The following DNAH8 variants were observed in gnomAD, a reference collection of about 807,000 sequenced individuals.
DNAH8 encodes dynein axonemal heavy chain 8.
Under a neutral mutation model 562.1 loss-of-function variants are expected in DNAH8, and 382 were observed. The ratio of observed to expected loss-of-function variants is 0.68; its 90% CI spans 0.63 to 0.74. The LOEUF is 0.74. DNAH8 is among the 30% of genes least tolerant of loss of function. The pLI is 0.00. For missense variants in DNAH8, 5,203 were observed against 5,620.4 expected (o/e 0.93, Z 2.37); for synonymous variants, 1,881 against 1,919.4 (o/e 0.98, Z 0.52).
At chr6:38,939,772 T>C (rs1390684251) in intron 79 of DNAH8, among the ~76,000 whole-genome samples, 1 of 152,194 alleles carries the variant, frequency 6.6e-6, no homozygotes, top group Non-Finnish European at 1.5e-5. Flanking sequence ...CTTTTTCTTG[T>C]GTTTTTGGCT....
intron 57 of DNAH8, 21 bp downstream of exon 57, chr6:38,887,025 T>C: frequency 6.6e-7 from 1 of 1,508,452 alleles, no homozygotes; most frequent in Middle Eastern, 1.7e-4. Flanking sequence ...TCTTAGCGTT[T>C]ATTTTATTGC....
intron 85 of DNAH8, among the ~76,000 whole-genome samples, chr6:38,977,992 G>A (rs557157572): frequency 3.3e-5 from 5 of 152,282 alleles, no homozygotes; most frequent in African/African-American, 1.2e-4. Context: ...TGAAAATAAT[G>A]GCCAAATGGC....
intron 36 of DNAH8, among the ~76,000 whole-genome samples, chr6:38,847,686 T>A (rs542959458): frequency 3.5e-4 from 54 of 152,236 alleles, no homozygotes; most frequent in African/African-American, 1.3e-3. Context: ...AGTTTGAAGA[T>A]CCTAGTCAAC....
Position 38,852,795 on chromosome 6 carries a change from T to A in DNAH8, c.5568T>A (p.Ile1856=). 6.2e-7 allele frequency: 1 copy of A among 1,609,332 alleles called. No individual in the cohort carries two copies. The highest frequency in any genetic ancestry group is 8.5e-7 in the Non-Finnish European group (1 of 1,176,436). ...MAVISREGEK[I]VLDNSVMAKG... ...TCATATCAAGAGAAGGAGAAAAAAT[T>A]GTTGTAATTTACCTTGCTTTAAATT... The change falls in exon 40 of 93, where the codon ATT becomes ATA. Residue 1856 remains isoleucine, a synonymous_variant. Coordinates refer to ENST00000327475, the MANE Select transcript of DNAH8 (RefSeq NM_001206927.2).
intron 24 of DNAH8, among the ~76,000 whole-genome samples, chr6:38,808,982 C>T (rs1301389478): frequency 1.3e-5 from 2 of 151,854 alleles, no homozygotes; most frequent in South Asian, 2.1e-4. Flanking sequence ...GAAGAAATAC[C>T]TAATGTAGAT....
chr6:38,974,232 C>T (rs1448593157), intron 84 of DNAH8, 142 bp from the exon 85 acceptor site: 1 of 664,370 alleles, frequency 1.5e-6, no homozygotes, highest in Non-Finnish European at 2.5e-6. Flanking sequence ...CAATTTAATG[C>T]TAATATTCCA....
Position 38,850,331 on chromosome 6 carries a change from T to C in DNAH8, c.5280T>C (p.Asn1760=). Residue 1760 remains asparagine, a synonymous_variant, in exon 38 of 93, where the codon AAT becomes AAC. Transcript: ENST00000327475. ...QRAHENPNVI[N]CCVGDETMGQ... ...CTCATGAGAATCCCAATGTGATTAA[T>C]TGCTGTGTTGGAGATGAAACCATGG... 1 of 1,613,724 alleles carries C rather than the reference T, an allele frequency of 6.2e-7. No individual in the cohort carries two copies. Among genetic ancestry groups the C allele is most frequent in the Non-Finnish European group, 8.5e-7 (1 of 1,179,666 alleles).
chr6:38,859,528 G>A (rs1323045114), intron 42 of DNAH8, among the ~76,000 whole-genome samples: 1 of 152,174 alleles, frequency 6.6e-6, no homozygotes, highest in Non-Finnish European at 1.5e-5. Flanking sequence ...TGGGCCTACT[G>A]GATTTAAGAG....
intron 31 of DNAH8, among the ~76,000 whole-genome samples, chr6:38,834,186 C>T (rs1039784338): frequency 3.3e-5 from 5 of 152,140 alleles, no homozygotes; most frequent in Non-Finnish European, 7.4e-5. Context: ...CATTTGTAAT[C>T]ATAAATGAAA....
At chr6:38,941,850 T>C (rs763665392) in intron 79 of DNAH8, among the ~76,000 whole-genome samples, 12 of 152,146 alleles carry the variant, frequency 7.9e-5, no homozygotes, top group Non-Finnish European at 1.8e-4. Context: ...CTATGCACCA[T>C]GGTCTGAATG....
chr6:39,017,941 C>G (rs1301751238), intron 91 of DNAH8, among the ~76,000 whole-genome samples: 1 of 152,136 alleles, frequency 6.6e-6, no homozygotes, highest in African/African-American at 2.4e-5. Context: ...ACTAATGGAC[C>G]TTTAAGATTG....
chr6:38,958,152 C>A (rs1762375216), intron 82 of DNAH8, among the ~76,000 whole-genome samples: 1 of 149,556 alleles, frequency 6.7e-6, no homozygotes, highest in African/African-American at 2.5e-5. Flanking sequence ...CAGGTGCCAG[C>A]CACCACGCCT....
At chr6:38,940,990 C>A (rs1007980689) in intron 79 of DNAH8, among the ~76,000 whole-genome samples, 2 of 151,828 alleles carry the variant, frequency 1.3e-5, no homozygotes, top group African/African-American at 4.8e-5. Flanking sequence ...CGTGGTGGCA[C>A]GTGTCTGTAG....
At chr6:38,798,757 G>T (rs553326747) in intron 21 of DNAH8, among the ~76,000 whole-genome samples, 1 of 152,296 alleles carries the variant, frequency 6.6e-6, no homozygotes, top group African/African-American at 2.4e-5. Context: ...TCAGACACAG[G>T]GTTGGAGTTG....
intron 12 of DNAH8, among the ~76,000 whole-genome samples, chr6:38,773,958 A>AT (rs1227509657): frequency 3.9e-5 from 6 of 152,180 alleles, no homozygotes; most frequent in South Asian, 2.1e-4. Flanking sequence ...GAGAGCTGAG[A>AT]TTTCAGAGTT....
intron 41 of DNAH8, among the ~76,000 whole-genome samples, chr6:38,854,048 A>G (rs1775985038): frequency 6.6e-6 from 1 of 151,354 alleles, no homozygotes; most frequent in East Asian, 1.9e-4. Context: ...GTATATATAT[A>G]TGTATATATA....
rs757894906 is a variant in DNAH8, at chr6:38,778,498, G to A, written c.2039+34G>A. On this transcript the variant is annotated intron_variant, in intron 14 of 92. Transcript: ENST00000327475. ...AACACTTTAAGCAGAGTAGTTTCTG[G>A]GGGGAATAACTTTAAATCTAAAAAT... is the stretch of plus-strand genomic sequence containing the variant. The A allele has an allele frequency of 2.4e-6, 3 of 1,236,678 alleles. No homozygotes were observed. In the South Asian group the frequency reaches 4.1e-5, roughly 17 times the overall value. The allele number at this position is 1,236,678 out of a possible 1,614,324, so 76.6% of individuals were successfully genotyped here. A position where few individuals can be genotyped will look rare whatever the true frequency, so the allele number is the denominator to read the frequency against.
rs775507408 is a variant in DNAH8 at position 38,938,014 on chromosome 6, A to C, written c.11604A>C (p.Arg3868=). 3.7e-6 allele frequency: 6 copies of C among 1,613,752 alleles called. No individual in the cohort carries two copies. In the Admixed American group the frequency reaches 5.0e-5, roughly 13 times the overall value. Residue 3868 remains arginine (R), a synonymous_variant, in exon 78 of 93, where the codon CGA becomes CGC. Coordinates refer to ENST00000327475, the MANE Select transcript of DNAH8 (RefSeq NM_001206927.2). The part of the protein sequence containing the change: ...VDDESLIGVL[R]TTKQTAAEVS... ...ACGAATCTCTCATTGGTGTACTTCG[A>C]ACTACCAAGCAGACAGCAGCTGAGG...
In DNAH8 at chr6:38,971,631, A is replaced by C; in HGVS notation, c.12491A>C (p.His4164Pro). The change falls in exon 83 of 93, where the codon CAT becomes CCT. Residue 4164 changes from histidine to proline, a missense_variant. By Grantham distance (77) the His-to-Pro change is moderately conservative (BLOSUM62 -2). Around this residue, in one of 6 missense-constraint regions of DNAH8, gnomAD observed 1,399 missense variants for 1,518.4 expected, o/e 0.92. Transcript: ENST00000327475. ...TISMGQGQEVHARKLIQMSMQ... is the reference protein window; with the variant it reads ...TISMGQGQEVPARKLIQMSMQ... The stretch of plus-strand genomic sequence containing the variant: ...TCAATGGGGCAAGGACAAGAAGTAC[A>C]TGCTCGAAAGCTGATTCAGATGTCA... 1 of 1,603,942 alleles carries C rather than the reference A, an allele frequency of 6.2e-7. No individual in the cohort carries two copies.
Sources: allele counts gnomAD v4.1 joint callset (sites outside exome capture counted in the v4.1 genomes callset), GRCh38; gene constraint gnomAD v4.1.1; regional missense constraint gnomAD v4.1.1; transcripts MANE v1.5; gene names NCBI Gene and HGNC (gene_info 2026-07-23, HGNC 2026-07-21).